SERPINI1: variants seen among roughly 807,000 people sequenced by gnomAD.
The protein encoded by SERPINI1 is neuroserpin.
Under a neutral mutation model 41.1 loss-of-function variants are expected in SERPINI1, and 19 were observed. That is an observed-to-expected ratio of 0.46 (90% CI 0.32 to 0.68). The LOEUF (loss-of-function observed/expected upper bound fraction) is 0.68. Ranked by LOEUF, SERPINI1 falls within the 30% of genes least tolerant of loss-of-function variation. The probability of loss-of-function intolerance (pLI) is 0.03; values close to 1 mark genes in which losing one functional copy is unlikely to be tolerated. For synonymous variants in SERPINI1, 138 were observed against 156.6 expected (o/e 0.88, Z 0.89); for missense variants, 460 against 479.2 (o/e 0.96, Z 0.37).
intron 1 of SERPINI1, among the ~76,000 whole-genome samples, chr3:167,756,154 C>T (rs1726186380): frequency 6.6e-6 from 1 of 151,310 alleles, no homozygotes; most frequent in African/African-American, 2.4e-5. Context: ...CCTCTACATT[C>T]CTAGGTATCC....
intron 1 of SERPINI1, among the ~76,000 whole-genome samples, chr3:167,767,744 G>C (rs960147225): frequency 7.2e-5 from 11 of 152,170 alleles, no homozygotes; most frequent in African/African-American, 2.7e-4. Flanking sequence ...ATGATTTTGA[G>C]GGGTTCATTG....
intron 1 of SERPINI1, among the ~76,000 whole-genome samples, chr3:167,786,095 TG>T (rs1329640794): frequency 1.3e-5 from 2 of 152,224 alleles, no homozygotes; most frequent in African/African-American, 4.8e-5. Flanking sequence ...GTACTGAATA[TG>T]GTAGGCAGTT....
chr3:167,789,356 G>A lies in SERPINI1; in HGVS notation c.228G>A (p.Met76Ile), dbSNP rs1365019307. 3.1e-6 allele frequency: 5 copies of A among 1,614,012 alleles called. No individual in the cohort carries two copies. In the South Asian group the frequency reaches 4.4e-5, roughly 14 times the overall value. The change falls in exon 2 of 9, where the codon ATG becomes ATA. Residue 76 changes from methionine to isoleucine, a missense_variant. Physicochemically the swap from Met to Ile is conservative, Grantham distance 10 (BLOSUM62 1). Transcript: ENST00000446050. Reference protein sequence around the residue: ...GSTQKEIRHSMGYDSLKNGEE... With the variant: ...GSTQKEIRHSIGYDSLKNGEE... ...CCCAGAAAGAAATCCGCCACTCAAT[G>A]GGATATGACAGCCTAAAAAATGGTA...
intron 1 of SERPINI1, among the ~76,000 whole-genome samples, chr3:167,740,324 C>T (rs890819305): frequency 6.6e-6 from 1 of 152,140 alleles, no homozygotes; most frequent in Non-Finnish European, 1.5e-5. Context: ...AACCACCATG[C>T]CTTGCTGATA....
At chr3:167,774,878 A>G (rs1229415160) in intron 1 of SERPINI1, among the ~76,000 whole-genome samples, 1 of 152,148 alleles carries the variant, frequency 6.6e-6, no homozygotes, top group African/African-American at 2.4e-5. Flanking sequence ...TTAAAGCTAA[A>G]GGAGTAAAAT....
rs1483071377 is a variant in SERPINI1, at chr3:167,752,468, C to G, written c.-19+16645C>G. Among the ~76,000 whole-genome samples the G allele has an allele frequency of 2.0e-5, 3 of 152,166 alleles. No homozygotes were observed. The East Asian group carries it at 5.8e-4, about 29-fold the overall frequency. On this transcript the variant is annotated intron_variant, in intron 1 of 8. Coordinates refer to ENST00000446050, the MANE Select transcript of SERPINI1 (RefSeq NM_001122752.2). ...AGTAATCCTGACTCGCCCTTCCTTA[C>G]TGTTACCTCTGTCTTGTCCAATTTA...
At chr3:167,764,757 A>C (rs1186387497) in intron 1 of SERPINI1, among the ~76,000 whole-genome samples, 1 of 152,234 alleles carries the variant, frequency 6.6e-6, no homozygotes, top group Non-Finnish European at 1.5e-5. Context: ...AGCTTGTAAA[A>C]TCAAAAGCAG....
intron 1 of SERPINI1, among the ~76,000 whole-genome samples, chr3:167,776,058 G>C (rs1216321426): frequency 6.6e-6 from 1 of 152,172 alleles, no homozygotes; most frequent in Middle Eastern, 3.2e-3. Context: ...TTGTAAACAG[G>C]CAAGCCCACT....
At chr3:167,769,494 G>A (rs1485050271) in intron 1 of SERPINI1, among the ~76,000 whole-genome samples, 4 of 152,116 alleles carry the variant, frequency 2.6e-5, no homozygotes, top group Non-Finnish European at 5.9e-5. Context: ...CTTAAAGTTT[G>A]TGCTTATTCT....
chr3:167,777,171 C>T (rs1726989688), intron 1 of SERPINI1, among the ~76,000 whole-genome samples: 1 of 152,152 alleles, frequency 6.6e-6, no homozygotes, highest in African/African-American at 2.4e-5. Context: ...ATCCACTCTG[C>T]TCCTTGGCTA....
intron 1 of SERPINI1, among the ~76,000 whole-genome samples, chr3:167,783,559 T>C (rs1727209877): frequency 1.3e-5 from 2 of 152,148 alleles, no homozygotes; most frequent in Admixed American, 1.3e-4. Flanking sequence ...AGTTCACCAG[T>C]GGGCATGAGA....
intron 1 of SERPINI1, among the ~76,000 whole-genome samples, chr3:167,776,500 A>G (rs1422650654): frequency 6.6e-6 from 1 of 152,186 alleles, no homozygotes; most frequent in Non-Finnish European, 1.5e-5. Flanking sequence ...TCCTGAAGAC[A>G]CGGAATTTGG....
At chr3:167,741,640 A>G (rs1183038762) in intron 1 of SERPINI1, among the ~76,000 whole-genome samples, 2 of 152,226 alleles carry the variant, frequency 1.3e-5, no homozygotes, top group Non-Finnish European at 2.9e-5. Flanking sequence ...CTTTACTTGA[A>G]TTAAATCAGT....
intron 1 of SERPINI1, among the ~76,000 whole-genome samples, chr3:167,746,685 A>G (rs1725871245): frequency 6.6e-6 from 1 of 152,224 alleles, no homozygotes; most frequent in African/African-American, 2.4e-5. Flanking sequence ...GGGAAATGCA[A>G]ATCAAAACCA....
intron 1 of SERPINI1, among the ~76,000 whole-genome samples, chr3:167,765,350 C>T (rs1301765562): frequency 2.6e-5 from 4 of 152,258 alleles, no homozygotes; most frequent in Non-Finnish European, 5.9e-5. Flanking sequence ...ACAGGCTCAA[C>T]ACCATATGGT....
chr3:167,809,569 A>G (rs576530238), intron 6 of SERPINI1, among the ~76,000 whole-genome samples: 1 of 152,224 alleles, frequency 6.6e-6, no homozygotes, highest in Non-Finnish European at 1.5e-5. Context: ...ATAAATATGC[A>G]TTATGATAAC....
chr3:167,755,326 C>A (rs1489749052), intron 1 of SERPINI1, among the ~76,000 whole-genome samples: 1 of 152,170 alleles, frequency 6.6e-6, no homozygotes, highest in Non-Finnish European at 1.5e-5. Flanking sequence ...TTTCAGATTT[C>A]ACCAGCAGTG....
intron 1 of SERPINI1, among the ~76,000 whole-genome samples, chr3:167,742,239 T>G (rs1466617355): frequency 6.6e-6 from 1 of 152,112 alleles, no homozygotes; most frequent in Non-Finnish European, 1.5e-5. Context: ...AAAAGCAAAT[T>G]TTTCCTCACA....
At chr3:167,781,769 G>T (rs1187885142) in intron 1 of SERPINI1, among the ~76,000 whole-genome samples, 1 of 149,542 alleles carries the variant, frequency 6.7e-6, no homozygotes, top group Non-Finnish European at 1.5e-5. Context: ...AAAATAATTG[G>T]GTTATAAAAA....
Sources: gnomAD v4.1 joint callset for allele counts (sites outside exome capture counted in the v4.1 genomes callset) on GRCh38, gnomAD v4.1.1 for gene constraint, MANE v1.5 for transcripts, NCBI Gene and HGNC (gene_info 2026-07-23, HGNC 2026-07-21) for gene names.